The following CAST variants were observed in gnomAD, a reference collection of about 807,000 sequenced individuals.
The protein encoded by CAST is calpastatin, also known as MIR583 host.
A neutral mutation model predicts 119.6 loss-of-function variants in CAST; 76 were observed. That is an observed-to-expected ratio of 0.64 (90% CI 0.53 to 0.77). The LOEUF is 0.77. Ranked by LOEUF, CAST falls within the 30% of genes least tolerant of loss-of-function variation. CAST has a pLI of 0.00. For missense variants in CAST, 953 were observed against 946.5 expected (o/e 1.01, Z -0.09); for synonymous variants, 319 against 331.6 (o/e 0.96, Z 0.41).
chr5:96,731,714 C>T (rs973089072), intron 9 of CAST, among the ~76,000 whole-genome samples: 1 of 143,830 alleles, frequency 7.0e-6, no homozygotes, highest in Non-Finnish European at 1.5e-5. Context: ...CATGTGATCT[C>T]ATTGTTCAAT....
At chr5:96,556,258 G>GA (rs1364850447) in intron 1 of CAST, among the ~76,000 whole-genome samples, 1 of 152,156 alleles carries the variant, frequency 6.6e-6, no homozygotes, top group African/African-American at 2.4e-5. Flanking sequence ...CAAAGATGGG[G>GA]AAAAAACAGA....
chr5:96,128,617 C>T, the CAST span, among the ~76,000 whole-genome samples: 3 of 152,100 alleles, frequency 2.0e-5, no homozygotes, highest in Non-Finnish European at 2.9e-5. Flanking sequence ...ATGAGAGAAG[C>T]AAGCACTACT....
At chr5:96,723,235 G>A (rs1758633576) in intron 4 of CAST, among the ~76,000 whole-genome samples, 1 of 152,130 alleles carries the variant, frequency 6.6e-6, no homozygotes, top group Admixed American at 6.6e-5. Flanking sequence ...AAAGTGCTGG[G>A]ATTACAGGAA....
At chr5:96,618,581 G>C (rs1386490352) in intron 1 of CAST, among the ~76,000 whole-genome samples, 1 of 152,262 alleles carries the variant, frequency 6.6e-6, no homozygotes. Context: ...AGGTGGTTGC[G>C]GGCTTGGCAG....
intron 2 of CAST, among the ~76,000 whole-genome samples, chr5:96,685,049 AATAT>A (rs141170583): frequency 6.6e-6 from 1 of 150,754 alleles, no homozygotes; most frequent in African/African-American, 2.4e-5. Context: ...AGAATATATA[AATAT>A]ATATATATAA....
At chr5:96,257,912 T>C in the CAST span, among the ~76,000 whole-genome samples, 2 of 152,172 alleles carry the variant, frequency 1.3e-5, no homozygotes, top group Non-Finnish European at 2.9e-5. Context: ...AAAAACTCTG[T>C]GTGATAAATT....
At chr5:96,214,673 G>C in the CAST span, among the ~76,000 whole-genome samples, 1 of 152,142 alleles carries the variant, frequency 6.6e-6, no homozygotes, top group African/African-American at 2.4e-5. Flanking sequence ...AGTGAGAGGA[G>C]AGAAAATTAA....
the CAST span, among the ~76,000 whole-genome samples, chr5:96,384,319 A>G: frequency 6.6e-6 from 1 of 152,226 alleles, no homozygotes; most frequent in African/African-American, 2.4e-5. Context: ...GACAATCCAC[A>G]TCTGTACTCT....
chr5:96,739,485 A>G (rs190642240), intron 11 of CAST, among the ~76,000 whole-genome samples: 2 of 152,264 alleles, frequency 1.3e-5, no homozygotes, highest in African/African-American at 4.8e-5. Context: ...TTTATATAAC[A>G]TTGGAAAATA....
chr5:96,612,804 G>A (rs1164791387), intron 1 of CAST, among the ~76,000 whole-genome samples: 2 of 151,982 alleles, frequency 1.3e-5, no homozygotes, highest in South Asian at 2.1e-4. Context: ...TCTTATCAAC[G>A]GGGTAACAAT....
the CAST span, among the ~76,000 whole-genome samples, chr5:96,327,299 T>C: frequency 2.0e-5 from 3 of 152,214 alleles, no homozygotes; most frequent in Non-Finnish European, 4.4e-5. Context: ...ATCATTATCA[T>C]GACTTTTATT....
the CAST span, among the ~76,000 whole-genome samples, chr5:96,333,475 C>T: frequency 3.9e-5 from 6 of 152,124 alleles, no homozygotes; most frequent in African/African-American, 1.4e-4. Flanking sequence ...AGGAATGGGG[C>T]CCCATGAGCC....
At chr5:96,487,166 A>G in the CAST span, among the ~76,000 whole-genome samples, 6 of 152,114 alleles carry the variant, frequency 3.9e-5, no homozygotes, top group East Asian at 1.2e-3. Context: ...TCTGCACCAC[A>G]TATTACAGGT....
the CAST span, among the ~76,000 whole-genome samples, chr5:96,479,931 C>A: frequency 6.6e-6 from 1 of 152,110 alleles, no homozygotes; most frequent in Non-Finnish European, 1.5e-5. Flanking sequence ...ACACGAAGAT[C>A]CTCTAAGTTG....
chr5:96,558,222 T>G, intron 1 of CAST, among the ~76,000 whole-genome samples: 1 of 151,872 alleles, frequency 6.6e-6, no homozygotes, highest in Non-Finnish European at 1.5e-5. Flanking sequence ...AGAGGGAAAT[T>G]TATAGCACTA....
the CAST span, among the ~76,000 whole-genome samples, chr5:96,167,785 C>A: frequency 6.6e-6 from 1 of 152,132 alleles, no homozygotes; most frequent in Non-Finnish European, 1.5e-5. Context: ...AAGTGTCTAC[C>A]CAGACCAAGA....
At chr5:96,265,266 C>G in the CAST span, among the ~76,000 whole-genome samples, 1 of 151,482 alleles carries the variant, frequency 6.6e-6, no homozygotes, top group Non-Finnish European at 1.5e-5. Context: ...AGGAGGTGTG[C>G]GTGTGTGTGT....
the CAST span, among the ~76,000 whole-genome samples, chr5:96,177,689 A>G: frequency 6.6e-6 from 1 of 152,196 alleles, no homozygotes; most frequent in African/African-American, 2.4e-5. Context: ...TCTGACCTTA[A>G]GCATGTAAAA....
the CAST span, among the ~76,000 whole-genome samples, chr5:96,454,114 A>G: frequency 0.18 from 27,405 of 152,206 alleles, 2,729 homozygotes; most frequent in Middle Eastern, 0.26. Context: ...CTGTCATATA[A>G]GACGAGGTCT....
Sources: allele counts gnomAD v4.1 joint callset (sites outside exome capture counted in the v4.1 genomes callset), GRCh38; gene constraint gnomAD v4.1.1; transcripts MANE v1.5; gene names NCBI Gene and HGNC (gene_info 2026-07-23, HGNC 2026-07-21).